Variants in SPIRE1 observed in about 807,000 individuals in gnomAD.
SPIRE1 encodes the protein spire type actin nucleation factor 1.
SPIRE1 carries 40 observed loss-of-function variants against 94.1 expected under a neutral mutation model. The ratio of observed to expected loss-of-function variants is 0.43; its 90% confidence interval spans 0.33 to 0.55. The LOEUF is 0.55. Ranked by LOEUF, SPIRE1 falls within the 20% of genes least tolerant of loss-of-function variation. SPIRE1 has a pLI of 0.06. For synonymous variants in SPIRE1, 376 were observed against 371.7 expected, an observed-to-expected ratio of 1.01 and a Z score of -0.13; for missense variants, 838 against 975.2, an observed-to-expected ratio of 0.86 and a Z score of 1.87.
At chr18:12,596,752 T>A (rs2036681310) in intron 2 of SPIRE1, among the ~76,000 whole-genome samples, 2 of 152,214 alleles carry the variant, frequency 1.3e-5, no homozygotes, top group Non-Finnish European at 2.9e-5. Context: ...AATTAATTTT[T>A]AAGAAATGCC....
At chr18:12,556,336 G>A (rs1481765019) in intron 2 of SPIRE1, among the ~76,000 whole-genome samples, 2 of 151,848 alleles carry the variant, frequency 1.3e-5, no homozygotes, top group Non-Finnish European at 2.9e-5. Flanking sequence ...AACCACAAAA[G>A]ATCCAGAATA....
chr18:12,548,335 G>C (rs987042628), intron 2 of SPIRE1, among the ~76,000 whole-genome samples: 3 of 152,258 alleles, frequency 2.0e-5, no homozygotes, highest in Admixed American at 1.3e-4. Flanking sequence ...TCTAACATGA[G>C]TTAAATACAA....
chr18:12,555,798 C>T (rs1019347400), intron 2 of SPIRE1, among the ~76,000 whole-genome samples: 3 of 152,102 alleles, frequency 2.0e-5, no homozygotes, highest in South Asian at 4.1e-4. Context: ...TTATTCAACA[C>T]AGTACTGGAA....
At chr18:12,635,357 T>G (rs908668963) in intron 1 of SPIRE1, among the ~76,000 whole-genome samples, 2 of 152,142 alleles carry the variant, frequency 1.3e-5, no homozygotes, top group African/African-American at 4.8e-5. Context: ...ATGTACATAT[T>G]TAATACAGAT....
At chr18:12,636,511 T>A (rs1429379784) in intron 1 of SPIRE1, among the ~76,000 whole-genome samples, 1 of 108,946 alleles carries the variant, frequency 9.2e-6, no homozygotes, top group African/African-American at 2.8e-5. Flanking sequence ...TTGAAATGAG[T>A]TGGTTGAAAA....
At chr18:12,621,637 A>G (rs1301398156) in intron 2 of SPIRE1, among the ~76,000 whole-genome samples, 1 of 152,224 alleles carries the variant, frequency 6.6e-6, no homozygotes, top group African/African-American at 2.4e-5. Flanking sequence ...GAGTCCGTGC[A>G]TATGCAATGT....
intron 2 of SPIRE1, among the ~76,000 whole-genome samples, chr18:12,622,510 C>T (rs2037503670): frequency 6.6e-6 from 1 of 150,578 alleles, no homozygotes; most frequent in South Asian, 2.1e-4. Context: ...GCAAGCTCCG[C>T]CTCCCCGGTT....
intron 13 of SPIRE1, among the ~76,000 whole-genome samples, chr18:12,453,354 C>A (rs1413840878): frequency 6.6e-6 from 1 of 151,996 alleles, no homozygotes; most frequent in African/African-American, 2.4e-5. Flanking sequence ...TAATAAAAGG[C>A]CACAGCTCTT....
chr18:12,640,551 C>A (rs2038057329), intron 1 of SPIRE1, among the ~76,000 whole-genome samples: 1 of 152,172 alleles, frequency 6.6e-6, no homozygotes, highest in African/African-American at 2.4e-5. Flanking sequence ...TTATTGAACA[C>A]AGCCCCAAAA....
At chr18:12,459,074 G>A (rs746926194) in intron 12 of SPIRE1, among the ~76,000 whole-genome samples, 17 of 152,182 alleles carry the variant, frequency 1.1e-4, no homozygotes, top group East Asian at 1.9e-4. Flanking sequence ...CAATATGGTC[G>A]TAGAGCTTTT....
At chr18:12,486,238 T>C (rs2033034850) in intron 8 of SPIRE1, among the ~76,000 whole-genome samples, 1 of 152,168 alleles carries the variant, frequency 6.6e-6, no homozygotes, top group South Asian at 2.1e-4. Flanking sequence ...AGTAACTTTT[T>C]AGAAAACAAG....
intron 1 of SPIRE1, chr18:12,636,359 CTTG>C (rs1353168587): frequency 4.5e-4 from 69 of 152,198 alleles, no homozygotes; most frequent in African/African-American, 1.4e-3. Context: ...TTCTAACAGC[CTTG>C]TTATTTTTTT....
intron 16 of SPIRE1, chr18:12,450,931 A>G (rs1323000025): frequency 2.2e-5 from 15 of 680,348 alleles, no homozygotes; most frequent in Non-Finnish European, 3.5e-5. Context: ...ATAAGTTGAA[A>G]GGAAAGTTTG....
At chr18:12,649,410 TA>T (rs1375331547) in intron 1 of SPIRE1, among the ~76,000 whole-genome samples, 3 of 151,720 alleles carry the variant, frequency 2.0e-5, no homozygotes, top group South Asian at 2.1e-4. Flanking sequence ...CCCTGTCTCT[TA>T]AAAAAAAATT....
At chr18:12,592,785 G>T (rs2144595897) in intron 2 of SPIRE1, among the ~76,000 whole-genome samples, 1 of 152,338 alleles carries the variant, frequency 6.6e-6, no homozygotes, top group South Asian at 2.1e-4. Context: ...CTCACCCCTA[G>T]GTGTGCCATG....
At chr18:12,467,889 C>T (rs780587049) in intron 10 of SPIRE1, among the ~76,000 whole-genome samples, 3 of 151,782 alleles carry the variant, frequency 2.0e-5, no homozygotes, top group Non-Finnish European at 4.4e-5. Flanking sequence ...GTGGAGGTTG[C>T]GGTGAGCTGA....
intron 1 of SPIRE1, among the ~76,000 whole-genome samples, chr18:12,654,336 CAAAAAAAAA>C (rs199897679): frequency 0.049 from 4,841 of 98,998 alleles, 296 homozygotes; most frequent in African/African-American, 0.17. Flanking sequence ...GACTCCACCT[CAAAAAAAAA>C]AAAAAAAAAA....
chr18:12,648,300 C>T (rs2038280516), intron 1 of SPIRE1, among the ~76,000 whole-genome samples: 2 of 152,114 alleles, frequency 1.3e-5, no homozygotes, highest in Admixed American at 6.5e-5. Context: ...ACAACACTGT[C>T]TTAATCAAGT....
At position 12,647,136 on chromosome 18, in the gene SPIRE1, A is replaced by G. The variant is rs564483772; in HGVS notation, c.337+10394T>C. Among the ~76,000 whole-genome samples, 152 of 152,246 alleles carry G rather than the reference A, an allele frequency of 1.0e-3. 1 individual carries two copies. The South Asian group carries it at 0.031, about 31-fold the overall frequency. ...CCAGCAGTTTGGTATTATTAGGAAT[A>G]TAAACCCTCCATATACCTAATCGAA... On this transcript the variant is annotated intron_variant, in intron 1 of 16. Coordinates refer to ENST00000409402, the MANE Select transcript of SPIRE1 (RefSeq NM_001128626.2).
Sources: gnomAD v4.1 joint callset for allele counts (sites outside exome capture counted in the v4.1 genomes callset) on GRCh38, gnomAD v4.1.1 for gene constraint, MANE v1.5 for transcripts, NCBI Gene and HGNC (gene_info 2026-07-23, HGNC 2026-07-21) for gene names.